Variants in RPUSD1 observed in about 807,000 individuals in gnomAD.
The protein encoded by RPUSD1 is RNA pseudouridine synthase domain containing 1, also known as pseudouridylate synthase RPUSD1.
In RPUSD1, 28 loss-of-function variants were observed where a neutral mutation model predicts 22.4. That is an observed-to-expected ratio of 1.25 (90% CI 0.93 to 1.72). RPUSD1 has a LOEUF of 1.72. Among genes scored for constraint, RPUSD1 ranks in the 40% most tolerant of loss-of-function variants. RPUSD1 has a pLI of 0.00. For synonymous variants in RPUSD1, 298 were observed against 201.0 expected, an observed-to-expected ratio of 1.48 and a Z score of -4.08; for missense variants, 596 against 442.2, an observed-to-expected ratio of 1.35 and a Z score of -3.12.
At position 787,572 on chromosome 16, in the gene RPUSD1, T is replaced by C. The variant is rs963142263; in HGVS notation, c.166A>G (p.Thr56Ala). ...CCCCCCTACCTGAACCCGTAGCAGG[T>C]GTCAGGGTCGGCCAGCTCGGGAAAG... The part of the protein sequence containing the change: ...YRFPELADPD[T>A]CYGFRFCHQL... The change falls in exon 2 of 6, where the codon ACC (threonine) becomes GCC (alanine). Residue 56 changes from threonine to alanine, a missense_variant. By Grantham distance (58) the Thr-to-Ala change is moderately conservative. Coordinates refer to ENST00000007264, the MANE Select transcript of RPUSD1 (RefSeq NM_058192.3). 1 of 1,610,736 alleles carries C rather than the reference T, an allele frequency of 6.2e-7. No individual in the cohort carries two copies. Among genetic ancestry groups the C allele is most frequent in the Non-Finnish European group, 8.5e-7 (1 of 1,179,818 alleles).
intron 5 of RPUSD1, 112 bp downstream of exon 5, chr16:786,715 T>A (rs763837795): frequency 1.1e-6 from 1 of 898,822 alleles, no homozygotes; most frequent in East Asian, 2.4e-5. Context: ...AACGCAGGAG[T>A]GCTTGTTGCC....
In RPUSD1 at chr16:786,820, G is replaced by A. The variant is rs1316633208; in HGVS notation, c.511+7C>T. The A allele has an allele frequency of 2.5e-6, 4 of 1,610,804 alleles. No homozygotes were observed. The highest frequency in any genetic ancestry group is 3.4e-6 in the Non-Finnish European group (4 of 1,177,880). ...CACCACCAGGACACCGCCCACCCCAGACACACCCGTGAGCGGCTTCAGCAG... is the reference window on the plus strand; with the variant it reads ...CACCACCAGGACACCGCCCACCCCAAACACACCCGTGAGCGGCTTCAGCAG... On this transcript the variant is annotated splice_region_variant and intron_variant, in intron 5 of 5. Coordinates refer to ENST00000007264, the MANE Select transcript of RPUSD1 (RefSeq NM_058192.3).
chr16:787,964 C>G, intron 1 of RPUSD1: 1 of 593,964 alleles, frequency 1.7e-6, no homozygotes, highest in Non-Finnish European at 3.0e-6. Context: ...ACCTGAAGGG[C>G]CCTGCCTGAC....
In RPUSD1 at chr16:786,942, G is replaced by A. The variant is rs1284915730; in HGVS notation, c.410-14C>T. On this transcript the variant is annotated splice_polypyrimidine_tract_variant and intron_variant, in intron 4 of 5. Transcript: ENST00000007264. ...GGTTCTCACAACCTGGGGCGCAGAA[G>A]GCAGGTGTGAGGTTAGTGGGACTGA... 8 of 1,611,028 alleles carry A rather than the reference G, an allele frequency of 5.0e-6. No homozygotes were observed. The South Asian group carries it at 5.5e-5, about 11-fold the overall frequency.
In RPUSD1 at chr16:787,581, C is replaced by A. The variant is rs766933543; in HGVS notation, c.157G>T (p.Asp53Tyr). 2 of 1,611,056 alleles carry A rather than the reference C, an allele frequency of 1.2e-6. No homozygotes were observed. The highest frequency in any genetic ancestry group is 1.3e-5 in the African/African-American group (1 of 75,068). Residue 53 changes from aspartate to tyrosine, a missense_variant, in exon 2 of 6, where the codon GAC (aspartate) becomes TAC (tyrosine). By Grantham distance (160) the Asp-to-Tyr change is radical. Transcript: ENST00000007264. ...CTGAACCCGTAGCAGGTGTCAGGGTCGGCCAGCTCGGGAAAGCGGTACCGC... is the reference window on the plus strand; with the variant it reads ...CTGAACCCGTAGCAGGTGTCAGGGTAGGCCAGCTCGGGAAAGCGGTACCGC... ...QLRYRFPELA[D>Y]PDTCYGFRFC...
chr16:787,413 C>T lies in RPUSD1; in HGVS notation c.247G>A (p.Ala83Thr), dbSNP rs199529893. 142 of 1,584,354 alleles carry T rather than the reference C, an allele frequency of 9.0e-5. 1 individual carries two copies. The highest frequency in any genetic ancestry group is 1.1e-4 in the Non-Finnish European group (133 of 1,165,400). Residue 83 changes from alanine (A) to threonine (T), a missense_variant, in exon 3 of 6, where the codon GCC becomes ACC. By Grantham distance (58) the Ala-to-Thr change is moderately conservative. Transcript: ENST00000007264. ...TTGAAGCACCTGTACGCGCTGCCGG[C>T]GGCTGCCTTGTTTAGGGCCACGCAC... ...ALCVALNKAAAGSAYRCFKER... is the reference protein window; with the variant it reads ...ALCVALNKAATGSAYRCFKER...
chr16:787,165 G>C lies in RPUSD1; in HGVS notation c.321C>G (p.Ile107Met), dbSNP rs147258661. 1.1e-4 allele frequency: 179 copies of C among 1,605,544 alleles called. No individual in the cohort carries two copies. In the African/African-American group the frequency reaches 2.0e-3, roughly 18 times the overall value. ...KAYLALLRGH[I>M]QESRVTISHA... Reference sequence around the variant, plus strand: ...GGCTGATGGTTACCCGGCTCTCCTGGATGTGCCCCCGCAGCTGCAGGAGAG... The same window carrying C: ...GGCTGATGGTTACCCGGCTCTCCTGCATGTGCCCCCGCAGCTGCAGGAGAG... The change falls in exon 4 of 6, where the codon ATC (isoleucine) becomes ATG (methionine). Residue 107 changes from isoleucine to methionine, a missense_variant. By Grantham distance (10) the Ile-to-Met change is conservative (BLOSUM62 1). Coordinates refer to ENST00000007264, the MANE Select transcript of RPUSD1 (RefSeq NM_058192.3).
intron 5 of RPUSD1, 139 bp from the exon 6 acceptor site, chr16:786,516 T>C: frequency 1.2e-6 from 1 of 829,342 alleles, no homozygotes; most frequent in Non-Finnish European, 1.9e-6. Context: ...CCCTGTCCCC[T>C]GCCATGAGTG....
rs962540202 is a variant in RPUSD1, at chr16:785,741, C to T, written c.*209G>A. On this transcript the variant is annotated 3_prime_UTR_variant, in exon 6 of 6. Coordinates refer to ENST00000007264, the MANE Select transcript of RPUSD1 (RefSeq NM_058192.3). ...GGATCCCGCATCAGTCCCACGGCCG[C>T]GGTGCGGTCGTCACCTGTGATCACG... The T allele has an allele frequency of 1.4e-5, 6 of 426,732 alleles. No homozygotes were observed. Among genetic ancestry groups the T allele is most frequent in the African/African-American group, 4.1e-5 (2 of 48,576 alleles). The allele number at this position is 426,732 out of a possible 1,614,324, so 26.4% of individuals were successfully genotyped here. A position where few individuals can be genotyped will look rare whatever the true frequency, so the allele number is the denominator to read the frequency against.
Position 786,226 on chromosome 16 carries a change from A to C in RPUSD1, c.663T>G (p.Cys221Trp). 6.2e-7 allele frequency: 1 copy of C among 1,612,734 alleles called. No individual in the cohort carries two copies. The highest frequency in any genetic ancestry group is 8.5e-7 in the Non-Finnish European group (1 of 1,179,924). ...FYLRIPTDTE[C>W]VEVCTPDPFL... is the part of the protein sequence containing the mutation. ...AGGGGTCAGGCGTGCAGACCTCCAC[A>C]CACTCGGTGTCCGTGGGGATGCGCA... Residue 221 changes from cysteine to tryptophan, a missense_variant, in exon 6 of 6, where the codon TGT becomes TGG. Cys to Trp is a radical substitution (Grantham distance 215). Transcript: ENST00000007264.
rs933922296 is a variant in RPUSD1, at chr16:785,499, C to T, written c.*451G>A. ...GAGCCCAGAACGGCCCTTCCCAGCC[C>T]CTCTAGAGGGTAGGTTGGGGGCAGT... On this transcript the variant is annotated 3_prime_UTR_variant, in exon 6 of 6. Coordinates refer to ENST00000007264, the MANE Select transcript of RPUSD1 (RefSeq NM_058192.3). 6.2e-6 allele frequency: 1 copy of T among 160,468 alleles called. No homozygotes were observed. Among genetic ancestry groups the T allele is most frequent in the African/African-American group, 2.4e-5 (1 of 41,886 alleles). The allele number at this position is 160,468 out of a possible 1,614,324, so 9.9% of individuals were successfully genotyped here. A position where few individuals can be genotyped will look rare whatever the true frequency, so the allele number is the denominator to read the frequency against.
At chr16:788,110 C>G (rs1358759803) in intron 1 of RPUSD1, 146 bp downstream of exon 1, 2 of 470,670 alleles carry the variant, frequency 4.2e-6, no homozygotes, top group Non-Finnish European at 4.1e-6. Context: ...CCAGGCCCGG[C>G]AGCCAGGTCT....
At position 785,627 on chromosome 16, in the gene RPUSD1, C is replaced by G. The variant is rs1430339041; in HGVS notation, c.*323G>C. 3.2e-6 allele frequency: 1 copy of G among 312,070 alleles called. No individual in the cohort carries two copies. Among genetic ancestry groups the G allele is most frequent in the African/African-American group, 2.1e-5 (1 of 46,514 alleles). The allele number at this position is 312,070 out of a possible 1,614,324, so 19.3% of individuals were successfully genotyped here. ...ACCTTGAGTCCGTAAAACTGACGCC[C>G]CTGGGGTGACGCTTGAGAGCCGGAA... On this transcript the variant is annotated 3_prime_UTR_variant, in exon 6 of 6. Transcript: ENST00000007264.
rs2041963005 is a variant in RPUSD1, at chr16:787,167, T to C, written c.319A>G (p.Ile107Val). The change falls in exon 4 of 6, where the codon ATC becomes GTC. Residue 107 changes from isoleucine (I) to valine (V), a missense_variant. Ile to Val is a conservative substitution (Grantham distance 29). Coordinates refer to ENST00000007264, the MANE Select transcript of RPUSD1 (RefSeq NM_058192.3). ...CTGATGGTTACCCGGCTCTCCTGGA[T>C]GTGCCCCCGCAGCTGCAGGAGAGGG... Reference protein sequence around the residue: ...KAYLALLRGHIQESRVTISHA... With the variant: ...KAYLALLRGHVQESRVTISHA... 6.2e-7 allele frequency: 1 copy of C among 1,605,130 alleles called. No individual in the cohort carries two copies. The highest frequency in any genetic ancestry group is 8.5e-7 in the Non-Finnish European group (1 of 1,178,958).
In RPUSD1 at chr16:785,361, G is replaced by C. The variant is rs1374610541; in HGVS notation, c.*589C>G. 3.9e-5 allele frequency: 6 copies of C among 152,788 alleles called. No homozygotes were observed. The highest frequency in any genetic ancestry group is 3.9e-4 in the Admixed American group (6 of 15,294). The allele number at this position is 152,788 out of a possible 1,614,324, so 9.5% of individuals were successfully genotyped here. A position where few individuals can be genotyped will look rare whatever the true frequency, so the allele number is the denominator to read the frequency against. ...CACACGCAGCCGGGCCTGCAGACTC[G>C]AGCCCAGCAGGGACCATTAGGTCTC... is the stretch of plus-strand genomic sequence containing the variant. On this transcript the variant is annotated 3_prime_UTR_variant, in exon 6 of 6. Coordinates refer to ENST00000007264, the MANE Select transcript of RPUSD1 (RefSeq NM_058192.3).
chr16:787,825 C>T, intron 1 of RPUSD1, 81 bp from the exon 2 acceptor site: 1 of 1,457,290 alleles, frequency 6.9e-7, no homozygotes, highest in Non-Finnish European at 9.3e-7. Flanking sequence ...CCGCACCGCC[C>T]CACCCGGGCT....
At position 787,467 on chromosome 16, in the gene RPUSD1, G is replaced by A. The variant is rs751974079; in HGVS notation, c.193C>T (p.Gln65Ter). The A allele has an allele frequency of 6.3e-7, 1 of 1,586,838 alleles. No individual in the cohort carries two copies. The highest frequency in any genetic ancestry group is 1.8e-5 in the Admixed American group (1 of 56,946). The change falls in exon 3 of 6, where the codon CAG becomes TAG. Residue 65 changes from glutamine (Q) to a stop codon, truncating the protein, a stop_gained. Coordinates refer to ENST00000007264, the MANE Select transcript of RPUSD1 (RefSeq NM_058192.3). LOFTEE classifies it high-confidence loss of function. Reference protein sequence around the residue: ...DTCYGFRFCHQLDFSTSGALC... With the variant: ...DTCYGFRFCH ...GCCCCGCTGGTGGAGAAATCCAGCT[G>A]GTGGCAGAACCTGGAGTGGGACAGA...
chr16:786,440 G>T, intron 5 of RPUSD1, 63 bp from the exon 6 acceptor site: 1 of 1,517,948 alleles, frequency 6.6e-7, no homozygotes, highest in Non-Finnish European at 8.9e-7. Flanking sequence ...CTATCTCCCT[G>T]ACCAGGACCC....
rs747278541 is a variant in RPUSD1 at position 786,943 on chromosome 16, G to A, written c.410-15C>T. 1.9e-6 allele frequency: 3 copies of A among 1,610,182 alleles called. No individual in the cohort carries two copies. Among genetic ancestry groups the A allele is most frequent in the Non-Finnish European group, 2.5e-6 (3 of 1,177,432 alleles). On this transcript the variant is annotated splice_polypyrimidine_tract_variant and intron_variant, in intron 4 of 5. Coordinates refer to ENST00000007264, the MANE Select transcript of RPUSD1 (RefSeq NM_058192.3). ...GTTCTCACAACCTGGGGCGCAGAAG[G>A]CAGGTGTGAGGTTAGTGGGACTGAC... is the stretch of plus-strand genomic sequence containing the variant.
Sources: allele counts gnomAD v4.1 joint callset, GRCh38; gene constraint gnomAD v4.1.1; transcripts MANE v1.5; gene names NCBI Gene and HGNC (gene_info 2026-07-23, HGNC 2026-07-21).